Variants in TBX10 observed in about 807,000 individuals in gnomAD.
The protein encoded by TBX10 is T-box transcription factor 10, also known as T-box transcription factor TBX10.
A neutral mutation model predicts 32.4 loss-of-function variants in TBX10; 26 were observed. The observed-to-expected ratio is 0.80, with a 90% CI of 0.59 to 1.11. The LOEUF is 1.11. TBX10 is among the 50% of genes most tolerant of loss of function. The pLI, the probability that TBX10 is intolerant of heterozygous loss-of-function variation, is 0.00. For missense variants in TBX10, 490 were observed against 494.5 expected, an observed-to-expected ratio of 0.99 and a Z score of 0.09; for synonymous variants, 195 against 203.1, an observed-to-expected ratio of 0.96 and a Z score of 0.34.
rs60988467 is a variant in TBX10, at chr11:67,633,097, G to C, written c.556C>G (p.Leu186Val). The C allele has an allele frequency of 6.2e-7, 1 of 1,613,858 alleles. No individual in the cohort carries two copies. The highest frequency in any genetic ancestry group is 8.5e-7 in the Non-Finnish European group (1 of 1,179,886). The change falls in exon 5 of 8, where the codon CTC becomes GTC. Residue 186 changes from leucine to valine, a missense_variant. By Grantham distance (32) the Leu-to-Val change is conservative. This residue lies in a region of TBX10 where 307 missense variants were observed against 294.9 expected (regional missense o/e 1.04). Coordinates refer to ENST00000335385, the MANE Select transcript of TBX10 (RefSeq NM_005995.5). ...GGCTGGTAGCGGTGCATAGAGTTGA[G>C]AATGATCTGTGGAAGGGACAGAGCA... ...NLLDDNGHII[L>V]NSMHRYQPRF...
rs753876539 is a variant in TBX10 at position 67,631,759 on chromosome 11, G to A, written c.1004C>T (p.Pro335Leu). ...VTYQSLYSGA[P>L]SHLGIPRTRP... ...GGTCCTTGGGATCCCTAGGTGGCTCGGGGCTCCAGAGTACAGGCTCTGATA... is the reference window on the plus strand; with the variant it reads ...GGTCCTTGGGATCCCTAGGTGGCTCAGGGCTCCAGAGTACAGGCTCTGATA... Residue 335 changes from proline (P) to leucine (L), a missense_variant, in exon 8 of 8, where the codon CCG becomes CTG. Pro to Leu is a moderately conservative substitution (Grantham distance 98). Transcript: ENST00000335385. 12 of 1,607,802 alleles carry A rather than the reference G, an allele frequency of 7.5e-6. No individual in the cohort carries two copies. In the South Asian group the frequency reaches 8.9e-5, roughly 12 times the overall value.
chr11:67,633,179 C>T (rs912125915), intron 4 of TBX10, 76 bp from the exon 5 acceptor site: 4 of 1,551,452 alleles, frequency 2.6e-6, no homozygotes, highest in African/African-American at 1.4e-5. Flanking sequence ...GTCCTTCCCT[C>T]CAAGCCGGGA....
intron 2 of TBX10, 33 bp downstream of exon 2, chr11:67,634,963 G>T (rs1309982680): frequency 1.5e-5 from 25 of 1,613,070 alleles, no homozygotes; most frequent in Non-Finnish European, 1.9e-5. Flanking sequence ...TCCAACCCTG[G>T]CCCCTGCCTC....
In TBX10 at chr11:67,634,299, G is replaced by A. The variant is rs1316311987; in HGVS notation, c.439C>T (p.Arg147Cys). The A allele has an allele frequency of 3.7e-6, 6 of 1,610,716 alleles. No homozygotes were observed. Among genetic ancestry groups the A allele is most frequent in the Non-Finnish European group, 4.2e-6 (5 of 1,179,938 alleles). Residue 147 changes from arginine (R) to cysteine (C), a missense_variant, in exon 4 of 8, where the codon CGC (arginine) becomes TGC (cysteine). Around this residue, in one of 3 missense-constraint regions of TBX10, gnomAD observed 307 missense variants for 294.9 expected, o/e 1.04. Transcript: ENST00000335385. ...GGCGAGTCGGGGTGGAAGTGCACGCGGCCAGGTGTGGCTGGGTCTGCCTTG... is the reference window on the plus strand; with the variant it reads ...GGCGAGTCGGGGTGGAAGTGCACGCAGCCAGGTGTGGCTGGGTCTGCCTTG... ...AGKADPATPG[R>C]VHFHPDSPAK...
At chr11:67,636,566 C>T (rs183621757) in intron 1 of TBX10, among the ~76,000 whole-genome samples, 4 of 151,882 alleles carry the variant, frequency 2.6e-5, no homozygotes, top group South Asian at 2.1e-4. Flanking sequence ...GGATGGATCT[C>T]GGCTCACTGC....
chr11:67,632,664 G>A lies in TBX10; in HGVS notation c.712C>T (p.Gln238Ter). The change falls in exon 6 of 8, where the codon CAG (glutamine) becomes TAG (stop). Residue 238 changes from glutamine to a stop codon, truncating the protein, a stop_gained. Coordinates refer to ENST00000335385, the MANE Select transcript of TBX10 (RefSeq NM_005995.5). LOFTEE classifies it high-confidence loss of function. ...AAAGGGTTGCTGGCGATTTTCAGCT[G>A]GGTGATCTGCAGGAGACAAAGTGCA... ...VTAYQNHRIT[Q>*]LKIASNPFAK... 6.2e-7 allele frequency: 1 copy of A among 1,614,030 alleles called. No homozygotes were observed. The highest frequency in any genetic ancestry group is 8.5e-7 in the Non-Finnish European group (1 of 1,179,996).
chr11:67,640,165 C>A (rs962033101), upstream of TBX10, among the ~76,000 whole-genome samples: 1 of 152,184 alleles, frequency 6.6e-6, no homozygotes. Flanking sequence ...GCAGCAGCAA[C>A]GAGTGCAGTC....
Position 67,632,324 on chromosome 11 carries a change from C to G in TBX10, c.862G>C (p.Glu288Gln). 1 of 1,613,404 alleles carries G rather than the reference C, an allele frequency of 6.2e-7. No homozygotes were observed. Among genetic ancestry groups the G allele is most frequent in the Non-Finnish European group, 8.5e-7 (1 of 1,180,022 alleles). ...PCVLKGATDR[E>Q]KDPNKASAST... ...TGCAGGCCTGGGGCCTTACCTTTCTCCCTGTCTGTGGCACCCTTCAGCACA... is the reference window on the plus strand; with the variant it reads ...TGCAGGCCTGGGGCCTTACCTTTCTGCCTGTCTGTGGCACCCTTCAGCACA... Residue 288 changes from glutamate to glutamine, a missense_variant, in exon 7 of 8, where the codon GAG becomes CAG. By Grantham distance (29) the Glu-to-Gln change is conservative. Around this residue, in one of 3 missense-constraint regions of TBX10, gnomAD observed 177 missense variants for 176.6 expected, o/e 1.00. Transcript: ENST00000335385.
In TBX10 at chr11:67,634,345, G is replaced by A; in HGVS notation, c.393C>T (p.Ser131=). The change falls in exon 4 of 8, where the codon AGC becomes AGT. Residue 131 remains serine (S), a synonymous_variant. Transcript: ENST00000335385. The part of the protein sequence containing the change: ...DDKRYRYAFH[S]SAWLVAGKAD... ...CCTTGCCCGCCACCAGCCAGGCCGA[G>A]CTGTGGAAGGCATACCTGGGGAGCA... The A allele has an allele frequency of 1.2e-6, 2 of 1,603,888 alleles. No individual in the cohort carries two copies. The highest frequency in any genetic ancestry group is 1.3e-5 in the African/African-American group (1 of 75,060).
rs1330663736 is a variant in TBX10, at chr11:67,634,216, G to A, written c.522C>T (p.Thr174=). Residue 174 remains threonine (T), a synonymous_variant, in exon 4 of 8, where the codon ACC becomes ACT. Transcript: ENST00000335385. ...GGCCATTGTCATCCAGCAGGTTGTT[G>A]GTCAGCTTGAGCTTGTCAAAGGACA... ...QIVSFDKLKL[T]NNLLDDNGHI... is the part of the protein sequence containing the mutation. The A allele has an allele frequency of 5.6e-6, 9 of 1,613,098 alleles. No homozygotes were observed. Among genetic ancestry groups the A allele is most frequent in the Non-Finnish European group, 7.6e-6 (9 of 1,179,988 alleles).
chr11:67,634,586 T>A (rs1855294348), intron 3 of TBX10, among the ~76,000 whole-genome samples: 1 of 152,268 alleles, frequency 6.6e-6, no homozygotes, highest in East Asian at 1.9e-4. Context: ...GGGCTAGACC[T>A]CTCTGCCTGC....
In TBX10 at chr11:67,631,825, G is replaced by C. The variant is rs369161057; in HGVS notation, c.938C>G (p.Pro313Arg). 4.2e-5 allele frequency: 66 copies of C among 1,585,244 alleles called. No homozygotes were observed. Among genetic ancestry groups the C allele is most frequent in the Non-Finnish European group, 5.6e-5 (65 of 1,166,292 alleles). Reference protein sequence around the residue: ...AWLHHQLLPPPEVLLAPATYR... With the variant: ...AWLHHQLLPPREVLLAPATYR... ...GGTGGCCGGGGCCAGCAGGACCTCA[G>C]GTGGGGGCAGCAGCTGATGATGGAG... The change falls in exon 8 of 8, where the codon CCT becomes CGT. Residue 313 changes from proline (P) to arginine (R), a missense_variant. Coordinates refer to ENST00000335385, the MANE Select transcript of TBX10 (RefSeq NM_005995.5).
intron 5 of TBX10, 84 bp from the exon 6 acceptor site, chr11:67,632,754 C>T: frequency 6.3e-7 from 1 of 1,578,402 alleles, no homozygotes; most frequent in South Asian, 1.1e-5. Context: ...AGTCAGGAGG[C>T]CCTGGCACCT....
Position 67,634,377 on chromosome 11 carries a change from G to A in TBX10, c.378-17C>T, listed in dbSNP as rs1855290498. The A allele has an allele frequency of 1.3e-6, 2 of 1,599,910 alleles. No homozygotes were observed. The highest frequency in any genetic ancestry group is 1.7e-6 in the Non-Finnish European group (2 of 1,179,656). ...AAGGCATACCTGGGGAGCACAGCGA[G>A]GTGGTGAGGGCTTCCCCAACCAGAG... On this transcript the variant is annotated splice_polypyrimidine_tract_variant and intron_variant, in intron 3 of 7. Transcript: ENST00000335385.
Position 67,634,824 on chromosome 11 carries a change from CTT to C in TBX10, c.367_368del (p.Lys123GlufsTer46). 6.2e-7 allele frequency: 1 copy of C among 1,613,524 alleles called. No homozygotes were observed. Among genetic ancestry groups the C allele is most frequent in the East Asian group, 2.2e-5 (1 of 44,888 alleles). ...LLMDFIPLDD[K>X]RYRYAFHSSA... ...CAGGCCGGTCCCCGCACCTGTATCT[CTT>C]GTCGTCCAGGGGGATGAAGTCCATG... On this transcript the variant is annotated frameshift_variant, in exon 3 of 8. Transcript: ENST00000335385. LOFTEE classifies it high-confidence loss of function.
At chr11:67,639,401 T>TCC in intron 1 of TBX10, 65 bp downstream of exon 1, 3 of 213,930 alleles carry the variant, frequency 1.4e-5, no homozygotes, top group South Asian at 7.4e-5. Context: ...GTTCCCACCC[T>TCC]GCCCACCCAC....
rs1321614581 is a variant in TBX10, at chr11:67,635,229, G to A, written c.42C>T (p.Pro14=). 4.3e-6 allele frequency: 7 copies of A among 1,613,730 alleles called. No individual in the cohort carries two copies. The highest frequency in any genetic ancestry group is 1.7e-5 in the Admixed American group (1 of 60,034). Residue 14 remains proline, a synonymous_variant, in exon 2 of 8, where the codon CCC becomes CCT. Transcript: ENST00000335385. ...FLSAGLGILA[P]SETYPLPTTS... ...TTGTAGGTAGGGGGTAGGTCTCTGA[G>A]GGTGCAAGTATGCCGAGGCCAGCAG...
At chr11:67,636,073 C>CTTTTTTTTT (rs60139069) in intron 1 of TBX10, among the ~76,000 whole-genome samples, 1 of 98,024 alleles carries the variant, frequency 1.0e-5, no homozygotes, top group African/African-American at 3.6e-5. Context: ...ATTAGAACTC[C>CTTTTTTTTT]TTTTTTTTTT....
At chr11:67,639,363 A>T in intron 1 of TBX10, 103 bp downstream of exon 1, 1 of 1,423,054 alleles carries the variant, frequency 7.0e-7, no homozygotes, top group East Asian at 2.4e-5. Context: ...CCTCTTGTGA[A>T]GGACCTGGGT....
Sources: gnomAD v4.1 joint callset for allele counts (sites outside exome capture counted in the v4.1 genomes callset) on GRCh38, gnomAD v4.1.1 for gene constraint, gnomAD v4.1.1 regional missense constraint, MANE v1.5 for transcripts, NCBI Gene and HGNC (gene_info 2026-07-23, HGNC 2026-07-21) for gene names.